CSRNP2: variants seen among roughly 807,000 people sequenced by gnomAD.
CSRNP2 encodes the protein cysteine and serine rich nuclear protein 2, also known as cysteine/serine-rich nuclear protein 2.
A neutral mutation model predicts 36.6 loss-of-function variants in CSRNP2; 11 were observed. That is an observed-to-expected ratio of 0.30 (90% CI 0.19 to 0.50). CSRNP2 has a LOEUF of 0.50. Among genes scored for constraint, CSRNP2 ranks in the 20% least tolerant of loss-of-function variants. CSRNP2 has a pLI of 0.98. For missense variants in CSRNP2, 483 were observed against 691.4 expected, an observed-to-expected ratio of 0.70 and a Z score of 3.38; for synonymous variants, 248 against 275.3, an observed-to-expected ratio of 0.90 and a Z score of 0.98.
At position 51,063,963 on chromosome 12, in the gene CSRNP2, T is replaced by A; in HGVS notation, c.1415A>T (p.Lys472Ile). 6.2e-7 allele frequency: 1 copy of A among 1,613,204 alleles called. No homozygotes were observed. The highest frequency in any genetic ancestry group is 8.5e-7 in the Non-Finnish European group (1 of 1,179,230). ...CSSTDPAALC[K>I]SEVGKTPTLE... ...GGTGGGTGTTTTCCCCACCTCTGAT[T>A]TACAGAGGGCAGCTGGGTCTGTGGA... Residue 472 changes from lysine to isoleucine, a missense_variant, in exon 5 of 5, where the codon AAA becomes ATA. Lys to Ile is a moderately radical substitution (Grantham distance 102, BLOSUM62 -3). Around this residue, in one of 2 missense-constraint regions of CSRNP2, gnomAD observed 277 missense variants for 323.6 expected, o/e 0.86. Coordinates refer to ENST00000228515, the MANE Select transcript of CSRNP2 (RefSeq NM_030809.3).
At chr12:51,072,291 G>A (rs1288317784) in intron 3 of CSRNP2, among the ~76,000 whole-genome samples, 1 of 152,098 alleles carries the variant, frequency 6.6e-6, no homozygotes, top group Non-Finnish European at 1.5e-5. Flanking sequence ...CAAGTGCGGT[G>A]GCTCACGCCT....
At chr12:51,077,736 C>G (rs987813783) in intron 1 of CSRNP2, among the ~76,000 whole-genome samples, 2 of 152,194 alleles carry the variant, frequency 1.3e-5, no homozygotes, top group Non-Finnish European at 2.9e-5. Context: ...TGGTCTGTCA[C>G]CATCCTCTGT....
Position 51,076,417 on chromosome 12 carries a change from A to G in CSRNP2, c.145T>C (p.Phe49Leu). ...DSLNPPTTAS[F>L]TPTSILKRQK... Reference sequence around the variant, plus strand: ...GACGGAGCAGCTTACTCACGTGTGAAGCTGGCAGTGGTAGGAGGATTGAGG... The same window carrying G: ...GACGGAGCAGCTTACTCACGTGTGAGGCTGGCAGTGGTAGGAGGATTGAGG... Residue 49 changes from phenylalanine to leucine, a missense_variant, in exon 2 of 5, where the codon TTC (phenylalanine) becomes CTC (leucine). By Grantham distance (22) the Phe-to-Leu change is conservative (BLOSUM62 0). Around this residue, in one of 2 missense-constraint regions of CSRNP2, gnomAD observed 206 missense variants for 367.8 expected, o/e 0.56. Coordinates refer to ENST00000228515, the MANE Select transcript of CSRNP2 (RefSeq NM_030809.3). The G allele has an allele frequency of 6.2e-7, 1 of 1,614,082 alleles. No individual in the cohort carries two copies. The highest frequency in any genetic ancestry group is 8.5e-7 in the Non-Finnish European group (1 of 1,180,020).
chr12:51,061,748 C>T lies in CSRNP2; in HGVS notation c.*1998G>A, dbSNP rs1290082535. Reference sequence around the variant, plus strand: ...TTTGATCCCAAAAGCTAATGTGTTCCTCATCGTGCAGCTGGAATCTACTTC... The same window carrying T: ...TTTGATCCCAAAAGCTAATGTGTTCTTCATCGTGCAGCTGGAATCTACTTC... On this transcript the variant is annotated 3_prime_UTR_variant, in exon 5 of 5. Coordinates refer to ENST00000228515, the MANE Select transcript of CSRNP2 (RefSeq NM_030809.3). 6.6e-6 allele frequency: 1 copy of T among 152,148 alleles called. No individual in the cohort carries two copies. Among genetic ancestry groups the T allele is most frequent in the Non-Finnish European group, 1.5e-5 (1 of 68,030 alleles). 9.4% of individuals were successfully genotyped at this position (152,148 alleles called of 1,614,324 possible).
At chr12:51,079,070 G>T (rs1467695101) in intron 1 of CSRNP2, among the ~76,000 whole-genome samples, 1 of 152,124 alleles carries the variant, frequency 6.6e-6, no homozygotes, top group East Asian at 1.9e-4. Context: ...CATGTCCTTT[G>T]TATGGACATG....
intron 2 of CSRNP2, among the ~76,000 whole-genome samples, chr12:51,074,729 G>A (rs73103154): frequency 0.14 from 21,044 of 152,076 alleles, 1,926 homozygotes; most frequent in East Asian, 0.49. Flanking sequence ...GCAGCTACTA[G>A]CCATGTGTGG....
At chr12:51,074,640 T>G (rs1939319022) in intron 2 of CSRNP2, among the ~76,000 whole-genome samples, 1 of 152,194 alleles carries the variant, frequency 6.6e-6, no homozygotes, top group Non-Finnish European at 1.5e-5. Context: ...CAAAATCCAT[T>G]TTTAGACATC....
rs746298872 is a variant in CSRNP2, at chr12:51,067,756, A to G, written c.625T>C (p.Ser209Pro). Residue 209 changes from serine to proline, a missense_variant, in exon 4 of 5, where the codon TCA (serine) becomes CCA (proline). Physicochemically the swap from Ser to Pro is moderately conservative, Grantham distance 74. Coordinates refer to ENST00000228515, the MANE Select transcript of CSRNP2 (RefSeq NM_030809.3). This position sits in a 1 kb window ranked among gnomAD's most constrained non-coding sequence, Gnocchi z 4.1. Reference protein sequence around the residue: ...EKQELRAIRLSREECGCDCRL... With the variant: ...EKQELRAIRLPREECGCDCRL... ...CAGTCACAACCACATTCTTCCCGTG[A>G]CAGGCGGATGGCTCGAAGTTCTTGC... The G allele has an allele frequency of 6.2e-7, 1 of 1,614,202 alleles. No individual in the cohort carries two copies. Among genetic ancestry groups the G allele is most frequent in the Non-Finnish European group, 8.5e-7 (1 of 1,180,036 alleles).
At chr12:51,072,562 CAAAAAAAAAAAAAAAAAAAAAA>C (rs71089741) in intron 3 of CSRNP2, among the ~76,000 whole-genome samples, 1 of 66,932 alleles carries the variant, frequency 1.5e-5, no homozygotes, top group Non-Finnish European at 2.6e-5. Flanking sequence ...GGCTCCGTCT[CAAAAAAAAAAAAAAAAAAAAAA>C]AAAAAAAAGA....
At chr12:51,074,210 C>T (rs372257216) in intron 2 of CSRNP2, 128 bp from the exon 3 acceptor site, 45 of 1,051,926 alleles carry the variant, frequency 4.3e-5, no homozygotes, top group African/African-American at 2.3e-4. Flanking sequence ...CTCCACCTCC[C>T]GGGTTCAAGC....
At position 51,063,424 on chromosome 12, in the gene CSRNP2, A is replaced by G. The variant is rs1937774242; in HGVS notation, c.*322T>C. 5.4e-6 allele frequency: 1 copy of G among 184,756 alleles called. No individual in the cohort carries two copies. Among genetic ancestry groups the G allele is most frequent in the Non-Finnish European group, 1.1e-5 (1 of 89,546 alleles). The allele number at this position is 184,756 out of a possible 1,614,324, so 11.4% of individuals were successfully genotyped here. On this transcript the variant is annotated 3_prime_UTR_variant, in exon 5 of 5. Coordinates refer to ENST00000228515, the MANE Select transcript of CSRNP2 (RefSeq NM_030809.3). ...TTCAAATTCTCGTGTTCTGGTCCCT[A>G]CAGAAAGAATAGCTGCTTGAGTTAC...
Position 51,063,982 on chromosome 12 carries a change from C to T in CSRNP2, c.1396G>A (p.Asp466Asn). The change falls in exon 5 of 5, where the codon GAC (aspartate) becomes AAC (asparagine). Residue 466 changes from aspartate to asparagine, a missense_variant. Around this residue, in one of 2 missense-constraint regions of CSRNP2, gnomAD observed 277 missense variants for 323.6 expected, o/e 0.86. Coordinates refer to ENST00000228515, the MANE Select transcript of CSRNP2 (RefSeq NM_030809.3). The part of the protein sequence containing the change: ...VTSLVACSST[D>N]PAALCKSEVG... ...TCTGATTTACAGAGGGCAGCTGGGT[C>T]TGTGGAGCTACAAGCCACGAGTGAG... is the stretch of plus-strand genomic sequence containing the variant. 2 of 1,613,938 alleles carry T rather than the reference C, an allele frequency of 1.2e-6. No individual in the cohort carries two copies. The highest frequency in any genetic ancestry group is 1.7e-6 in the Non-Finnish European group (2 of 1,179,800).
intron 1 of CSRNP2, among the ~76,000 whole-genome samples, chr12:51,078,641 T>C (rs1450861175): frequency 1.3e-5 from 2 of 152,126 alleles, no homozygotes; most frequent in African/African-American, 4.8e-5. Flanking sequence ...TCACTGGCCA[T>C]CAGAGATACG....
intron 1 of CSRNP2, among the ~76,000 whole-genome samples, chr12:51,080,639 TC>T (rs1324553668): frequency 3.9e-5 from 6 of 152,210 alleles, no homozygotes; most frequent in Non-Finnish European, 8.8e-5. Flanking sequence ...GTCAAACTCT[TC>T]CATTCACATG....
chr12:51,064,153 G>C lies in CSRNP2; in HGVS notation c.1225C>G (p.Pro409Ala), dbSNP rs1937859475. The C allele has an allele frequency of 1.9e-6, 3 of 1,614,138 alleles. No individual in the cohort carries two copies. The highest frequency in any genetic ancestry group is 2.5e-6 in the Non-Finnish European group (3 of 1,180,024). ...DHPTASTVNS[P>A]SYLNSGPLVY... ...AGGGGCCCACTGTTCAAGTAGGATGGGCTGTTCACCGTTGAGGCAGTTGGG... is the reference window on the plus strand; with the variant it reads ...AGGGGCCCACTGTTCAAGTAGGATGCGCTGTTCACCGTTGAGGCAGTTGGG... Residue 409 changes from proline (P) to alanine (A), a missense_variant, in exon 5 of 5, where the codon CCA (proline) becomes GCA (alanine). Physicochemically the swap from Pro to Ala is conservative, Grantham distance 27 (BLOSUM62 -1). Coordinates refer to ENST00000228515, the MANE Select transcript of CSRNP2 (RefSeq NM_030809.3).
At chr12:51,073,682 T>C (rs973325189) in intron 3 of CSRNP2, 141 bp downstream of exon 3, 1 of 843,162 alleles carries the variant, frequency 1.2e-6, no homozygotes, top group Non-Finnish European at 1.8e-6. Context: ...GCTAATATCA[T>C]GCCAGTGCAC....
chr12:51,076,664 A>C lies in CSRNP2; in HGVS notation c.-86-17T>G, dbSNP rs965174888. The C allele has an allele frequency of 1.3e-5, 17 of 1,341,298 alleles. No individual in the cohort carries two copies. Among genetic ancestry groups the C allele is most frequent in the Non-Finnish European group, 1.7e-5 (16 of 955,104 alleles). 83.1% of individuals were successfully genotyped at this position (1,341,298 alleles called of 1,614,324 possible). A position where few individuals can be genotyped will look rare whatever the true frequency, so the allele number is the denominator to read the frequency against. On this transcript the variant is annotated splice_polypyrimidine_tract_variant and intron_variant, in intron 1 of 4. Coordinates refer to ENST00000228515, the MANE Select transcript of CSRNP2 (RefSeq NM_030809.3). Reference sequence around the variant, plus strand: ...ATTAGGATTCTGCCCAGGGAAAAAAAGGAATCAGCATTCCTGTCCCCAGAC... The same window carrying C: ...ATTAGGATTCTGCCCAGGGAAAAAACGGAATCAGCATTCCTGTCCCCAGAC...
chr12:51,082,384 T>A (rs751829935), intron 1 of CSRNP2: 1 of 152,182 alleles, frequency 6.6e-6, no homozygotes, highest in Non-Finnish European at 1.5e-5. Flanking sequence ...CAGATCTTTG[T>A]GGGAACTGGA....
Position 51,063,656 on chromosome 12 carries a change from A to G in CSRNP2, c.*90T>C. 2 of 999,058 alleles carry G rather than the reference A, an allele frequency of 2.0e-6. No individual in the cohort carries two copies. Among genetic ancestry groups the G allele is most frequent in the Non-Finnish European group, 2.8e-6 (2 of 702,982 alleles). The allele number at this position is 999,058 out of a possible 1,614,324, so 61.9% of individuals were successfully genotyped here. A position where few individuals can be genotyped will look rare whatever the true frequency, so the allele number is the denominator to read the frequency against. On this transcript the variant is annotated 3_prime_UTR_variant, in exon 5 of 5. Transcript: ENST00000228515. ...CCCAATAAAATAACATGGGAGCAGCAGCTGCTTCTACAGTTTTGTTTTGAA... is the reference window on the plus strand; with the variant it reads ...CCCAATAAAATAACATGGGAGCAGCGGCTGCTTCTACAGTTTTGTTTTGAA...
Sources: gnomAD v4.1 joint callset for allele counts (sites outside exome capture counted in the v4.1 genomes callset) on GRCh38, gnomAD v4.1.1 for gene constraint, gnomAD v4.1.1 regional missense constraint, Gnocchi (gnomAD v3.1) non-coding constraint, MANE v1.5 for transcripts, NCBI Gene and HGNC (gene_info 2026-07-23, HGNC 2026-07-21) for gene names.